DISC1: variants seen among roughly 807,000 people sequenced by gnomAD.
The protein encoded by DISC1 is disrupted in schizophrenia 1 protein.
Under a neutral mutation model 84.5 loss-of-function variants are expected in DISC1, and 57 were observed. The observed-to-expected ratio is 0.67, with a 90% CI of 0.55 to 0.84. The LOEUF (loss-of-function observed/expected upper bound fraction) is 0.84. Ranked by LOEUF, DISC1 falls within the 40% of genes least tolerant of loss-of-function variation. The pLI is 0.00. For synonymous variants in DISC1, 411 were observed against 415.2 expected, an observed-to-expected ratio of 0.99 and a Z score of 0.12; for missense variants, 1,000 against 1,057.8, an observed-to-expected ratio of 0.95 and a Z score of 0.76.
In DISC1 at chr1:231,883,274, C is replaced by T. The variant is rs1000829699; in HGVS notation, c.1981+64757C>T. 2.0e-5 allele frequency among the ~76,000 whole-genome samples: 3 copies of T among 152,080 alleles called. No homozygotes were observed. In the East Asian group the frequency reaches 5.8e-4, roughly 29 times the overall value. The stretch of plus-strand genomic sequence containing the variant: ...TAATTAGATTTCTGCTAATAAGTAC[C>T]TAGAAATGTTCTAGGTGTAGGAAAT... On this transcript the variant is annotated intron_variant, in intron 9 of 12. Coordinates refer to ENST00000439617, the MANE Select transcript of DISC1 (RefSeq NM_018662.3).
chr1:232,018,778 G>A (rs1668700207), intron 11 of DISC1, among the ~76,000 whole-genome samples: 1 of 152,178 alleles, frequency 6.6e-6, no homozygotes, highest in South Asian at 2.1e-4. Context: ...TTTATTGGAG[G>A]CCAATAAAAG....
chr1:231,977,654 C>T lies in DISC1; in HGVS notation c.2042+18766C>T, dbSNP rs1266017135. Among the ~76,000 whole-genome samples, 5 of 152,106 alleles carry T rather than the reference C, an allele frequency of 3.3e-5. 1 individual carries two copies. Among genetic ancestry groups the T allele is most frequent in the Non-Finnish European group, 7.3e-5 (5 of 68,030 alleles). On this transcript the variant is annotated intron_variant, in intron 10 of 12. Transcript: ENST00000439617. The stretch of plus-strand genomic sequence containing the variant: ...CATGTAAGATAAAATTCATAGGTTC[C>T]CGGGATTAGAACATGGACATATCTG...
At chr1:231,977,705 C>T (rs1164612530) in intron 10 of DISC1, among the ~76,000 whole-genome samples, 1 of 152,146 alleles carries the variant, frequency 6.6e-6, no homozygotes, top group South Asian at 2.1e-4. Flanking sequence ...ACCACCCGCA[C>T]CCTAGCACCA....
intron 3 of DISC1, among the ~76,000 whole-genome samples, chr1:231,746,421 A>T (rs1207258265): frequency 1.3e-5 from 2 of 152,156 alleles, no homozygotes; most frequent in African/African-American, 2.4e-5. Flanking sequence ...GGGGGTGTAG[A>T]TGTCTCTTTG....
intron 1 of DISC1, among the ~76,000 whole-genome samples, chr1:231,637,968 A>T (rs1295717831): frequency 6.6e-6 from 1 of 152,234 alleles, no homozygotes; most frequent in Admixed American, 6.5e-5. Flanking sequence ...AATAGTGTTT[A>T]AAATTTCCCT....
At chr1:231,723,511 T>A (rs2125120085) in intron 3 of DISC1, 1 of 985,524 alleles carries the variant, frequency 1.0e-6, no homozygotes, top group South Asian at 4.7e-5. Context: ...TGCAGTCCTG[T>A]GGTTACATCA....
intron 1 of DISC1, among the ~76,000 whole-genome samples, chr1:231,637,272 C>T (rs2059280031): frequency 6.6e-6 from 1 of 152,178 alleles, no homozygotes; most frequent in South Asian, 2.1e-4. Context: ...CATACGTGTG[C>T]ATGTATCTTT....
intron 10 of DISC1, among the ~76,000 whole-genome samples, chr1:232,006,275 C>G (rs1272087151): frequency 2.0e-5 from 3 of 152,182 alleles, no homozygotes; most frequent in Non-Finnish European, 4.4e-5. Flanking sequence ...TTGGAGGGCT[C>G]AGAAGAAGAC....
intron 3 of DISC1, among the ~76,000 whole-genome samples, chr1:231,703,861 C>T (rs1400723681): frequency 1.3e-5 from 2 of 152,182 alleles, no homozygotes; most frequent in African/African-American, 4.8e-5. Context: ...TTTTCCCAAG[C>T]CTTCCTGGTG....
Position 231,750,086 on chromosome 1 carries a change from T to A in DISC1, c.1268+10T>A, listed in dbSNP as rs772353532. 7 of 1,609,034 alleles carry A rather than the reference T, an allele frequency of 4.4e-6. No homozygotes were observed. In the South Asian group the frequency reaches 5.5e-5, roughly 13 times the overall value. On this transcript the variant is annotated intron_variant, in intron 4 of 12. Coordinates refer to ENST00000439617, the MANE Select transcript of DISC1 (RefSeq NM_018662.3). The stretch of plus-strand genomic sequence containing the variant: ...GTGGGGCCACTCAGCAGTGAGTACT[T>A]GTTATTGTCACCATTTTCCCCTCAT...
At chr1:231,728,534 G>A (rs1470003670) in intron 3 of DISC1, among the ~76,000 whole-genome samples, 1 of 152,190 alleles carries the variant, frequency 6.6e-6, no homozygotes, top group Admixed American at 6.5e-5. Context: ...GTAGCTCAGA[G>A]GTCTTGGAGC....
At chr1:231,719,382 CTTA>C (rs1413835639) in intron 3 of DISC1, among the ~76,000 whole-genome samples, 2 of 152,206 alleles carry the variant, frequency 1.3e-5, no homozygotes, top group Admixed American at 6.5e-5. Context: ...CACTTATCAT[CTTA>C]TTATCATTGT....
intron 11 of DISC1, among the ~76,000 whole-genome samples, 178 bp from the exon 12 acceptor site, chr1:232,026,257 G>A (rs1669455790): frequency 6.6e-6 from 1 of 152,120 alleles, no homozygotes; most frequent in African/African-American, 2.4e-5. Context: ...TCATTCTTTG[G>A]TCATAACTTG....
intron 9 of DISC1, among the ~76,000 whole-genome samples, chr1:231,850,901 C>G (rs2083846456): frequency 6.6e-6 from 1 of 152,196 alleles, no homozygotes; most frequent in Non-Finnish European, 1.5e-5. Context: ...ACAAATGGCT[C>G]ATTGTTTTAA....
chr1:231,770,933 G>A lies in DISC1; in HGVS notation c.1497G>A (p.Trp499Ter), dbSNP rs755089027. 3 of 1,614,184 alleles carry A rather than the reference G, an allele frequency of 1.9e-6. No homozygotes were observed. Among genetic ancestry groups the A allele is most frequent in the Non-Finnish European group, 2.5e-6 (3 of 1,180,034 alleles). ...AGGAGCAAGAGCAGCAACTCCAGTG[G>A]CAGGGCTGCGACCTGACCCCACTGG... ...EIEEQEQQLQ[W>*]QGCDLTPLVG... Residue 499 changes from tryptophan (W) to a stop codon, truncating the protein, a stop_gained, in exon 6 of 13, where the codon TGG becomes TGA. Coordinates refer to ENST00000439617, the MANE Select transcript of DISC1 (RefSeq NM_018662.3). LOFTEE classifies it high-confidence loss of function.
rs1670048129 is a variant in DISC1 at position 232,031,496 on chromosome 1, GAAAGGAAAGGAAAGGAAAGAAAGA to G, written c.2425+4959_2425+4982del. Among the ~76,000 whole-genome samples, 1 of 117,672 alleles carries G rather than the reference GAAAGGAAAGGAAAGGAAAGAAAGA, an allele frequency of 8.5e-6. No homozygotes were observed. The highest frequency in any genetic ancestry group is 2.5e-4 in the East Asian group (1 of 4,014). The allele number at this position is 117,672 out of a possible 152,430, so 77.2% of individuals were successfully genotyped here. A position where few individuals can be genotyped will look rare whatever the true frequency, so the allele number is the denominator to read the frequency against. ...AGGGAGCAAAAGGGAAGGAAAGAAAGAAAGGAAAGGAAAGGAAAGAAAGAAAAGGAAAGGAAAGAAAGAAAACCC... is the reference window on the plus strand; with the variant it reads ...AGGGAGCAAAAGGGAAGGAAAGAAAGAAAGGAAAGGAAAGAAAGAAAACCC... On this transcript the variant is annotated intron_variant, in intron 12 of 12. Coordinates refer to ENST00000439617, the MANE Select transcript of DISC1 (RefSeq NM_018662.3). The surrounding 1 kb of genome is among the most constrained non-coding windows in gnomAD (Gnocchi z 4.6).
intron 1 of DISC1, among the ~76,000 whole-genome samples, chr1:231,680,545 GA>G (rs1292665342): frequency 2.6e-5 from 4 of 151,886 alleles, no homozygotes; most frequent in South Asian, 4.2e-4. Flanking sequence ...CTAACATGTG[GA>G]AAAAAAATAC....
chr1:231,653,716 C>A (rs568594825), intron 1 of DISC1, among the ~76,000 whole-genome samples: 65 of 152,258 alleles, frequency 4.3e-4, no homozygotes, highest in African/African-American at 1.5e-3. Context: ...GACCCTAAGT[C>A]CCATCCAGCC....
chr1:231,781,259 A>C lies in DISC1; in HGVS notation c.1634+10189A>C, dbSNP rs543854166. Reference sequence around the variant, plus strand: ...CGATGATTTTTGAATAACAGAACAAAGGAGGGTGAAAAAATGGATATGTAT... The same window carrying C: ...CGATGATTTTTGAATAACAGAACAACGGAGGGTGAAAAAATGGATATGTAT... On this transcript the variant is annotated intron_variant, in intron 6 of 12. Coordinates refer to ENST00000439617, the MANE Select transcript of DISC1 (RefSeq NM_018662.3). Among the ~76,000 whole-genome samples the C allele has an allele frequency of 4.5e-4, 63 of 139,994 alleles. 1 individual carries two copies. The South Asian group carries it at 0.014, about 31-fold the overall frequency. 91.8% of individuals were successfully genotyped at this position (139,994 alleles called of 152,430 possible).
Sources: allele counts gnomAD v4.1 joint callset (sites outside exome capture counted in the v4.1 genomes callset), GRCh38; gene constraint gnomAD v4.1.1; non-coding constraint Gnocchi (gnomAD v3.1); transcripts MANE v1.5; gene names NCBI Gene and HGNC (gene_info 2026-07-23, HGNC 2026-07-21).